Variants in SPECC1 observed in about 807,000 individuals in gnomAD.
SPECC1 encodes sperm antigen with calponin homology and coiled-coil domains 1.
Under a neutral mutation model 104.1 loss-of-function variants are expected in SPECC1, and 62 were observed. The ratio of observed to expected loss-of-function variants is 0.60; its 90% CI spans 0.49 to 0.74. SPECC1 has a LOEUF of 0.74. Ranked by LOEUF, SPECC1 falls within the 30% of genes least tolerant of loss-of-function variation. The pLI is 0.00. For synonymous variants in SPECC1, 513 were observed against 501.6 expected (o/e 1.02, Z -0.30); for missense variants, 1,306 against 1,310.5 (o/e 1.00, Z 0.05).
intron 11 of SPECC1, 69 bp downstream of exon 11, chr17:20,257,676 T>C: frequency 1.3e-6 from 2 of 1,572,468 alleles, no homozygotes; most frequent in Non-Finnish European, 1.7e-6. Flanking sequence ...TTCCTTCCGT[T>C]TTGTCCCCGT....
intron 1 of SPECC1, among the ~76,000 whole-genome samples, chr17:20,064,168 G>A (rs1025086195): frequency 6.6e-6 from 1 of 152,198 alleles, no homozygotes; most frequent in Non-Finnish European, 1.5e-5. Context: ...TCAGCTTCTT[G>A]TGAGCATGCA....
At chr17:20,111,984 C>T (rs1467051463) in intron 3 of SPECC1, 5 of 789,624 alleles carry the variant, frequency 6.3e-6, no homozygotes, top group Non-Finnish European at 9.3e-6. Context: ...GATGATATTG[C>T]TTTGATCAGG....
intron 1 of SPECC1, among the ~76,000 whole-genome samples, chr17:20,074,279 A>G (rs1348958829): frequency 6.6e-6 from 1 of 152,160 alleles, no homozygotes; most frequent in African/African-American, 2.4e-5. Flanking sequence ...GGCAATACAT[A>G]CATTGTGTTA....
At chr17:20,299,571 A>AG (rs1213675384) in intron 13 of SPECC1, among the ~76,000 whole-genome samples, 2 of 118,488 alleles carry the variant, frequency 1.7e-5, no homozygotes, top group Admixed American at 8.5e-5. Flanking sequence ...AAAAAAAAAA[A>AG]AAAAAAAAGA....
At chr17:20,123,019 T>C (rs2049113157) in intron 3 of SPECC1, among the ~76,000 whole-genome samples, 1 of 152,208 alleles carries the variant, frequency 6.6e-6, no homozygotes, top group Non-Finnish European at 1.5e-5. Context: ...TGCTGGATTC[T>C]CCTGATGGAT....
At chr17:20,120,574 T>A (rs2048978005) in intron 3 of SPECC1, among the ~76,000 whole-genome samples, 3 of 152,150 alleles carry the variant, frequency 2.0e-5, no homozygotes, top group Admixed American at 2.0e-4. Context: ...TCACAGGAAA[T>A]CAACTATATA....
In SPECC1 at chr17:20,316,902, C is replaced by A. The variant is rs1158514201; in HGVS notation, c.*2837C>A. ...CCCTCCCCGCTGGGGCCATACCAGC[C>A]CCTCTCCACTGGGAGCCCAAGTTGC... On this transcript the variant is annotated 3_prime_UTR_variant, in exon 15 of 15. Transcript: ENST00000395527. 4 of 214,812 alleles carry A rather than the reference C, an allele frequency of 1.9e-5. No individual in the cohort carries two copies. In the East Asian group the frequency reaches 2.7e-4, roughly 15 times the overall value. 13.3% of individuals were successfully genotyped at this position (214,812 alleles called of 1,614,324 possible).
intron 3 of SPECC1, among the ~76,000 whole-genome samples, chr17:20,182,369 G>A (rs2034969094): frequency 6.6e-6 from 1 of 152,020 alleles, no homozygotes; most frequent in Non-Finnish European, 1.5e-5. Flanking sequence ...GCCTTCATTG[G>A]CCTCCCAAAG....
intron 3 of SPECC1, among the ~76,000 whole-genome samples, chr17:20,176,978 C>T (rs2034514974): frequency 6.6e-6 from 1 of 152,124 alleles, no homozygotes; most frequent in African/African-American, 2.4e-5. Flanking sequence ...TAGCATAGTG[C>T]AGGTGGGACT....
At chr17:20,239,742 G>T (rs1340236124) in intron 7 of SPECC1, among the ~76,000 whole-genome samples, 1 of 152,024 alleles carries the variant, frequency 6.6e-6, no homozygotes, top group African/African-American at 2.4e-5. Context: ...ACTCACCTGA[G>T]TGCTGTGACA....
At chr17:20,019,211 CATTT>C (rs967752200) in intron 1 of SPECC1, among the ~76,000 whole-genome samples, 335 of 20,916 alleles carry the variant, frequency 0.016, 4 homozygotes, top group Admixed American at 0.05. Context: ...CCCTATCATT[CATTT>C]ATTTATTTAT....
chr17:20,177,770 C>T (rs1024744644), intron 3 of SPECC1, among the ~76,000 whole-genome samples: 12 of 149,034 alleles, frequency 8.1e-5, no homozygotes, highest in African/African-American at 2.5e-4. Context: ...AGTGCAGTGG[C>T]GCGATCTCGG....
intron 3 of SPECC1, among the ~76,000 whole-genome samples, chr17:20,189,389 C>G (rs1329078559): frequency 6.6e-6 from 1 of 152,326 alleles, no homozygotes; most frequent in Non-Finnish European, 1.5e-5. Context: ...CCAGCCACTT[C>G]AGTTTCAATG....
chr17:20,239,161 G>A lies in SPECC1; in HGVS notation c.2351+6756G>A, dbSNP rs1177784106. The A allele has an allele frequency of 3.9e-6, 4 of 1,026,370 alleles. No homozygotes were observed. The African/African-American group carries it at 5.1e-5, about 13-fold the overall frequency. The allele number at this position is 1,026,370 out of a possible 1,614,324, so 63.6% of individuals were successfully genotyped here. A position where few individuals can be genotyped will look rare whatever the true frequency, so the allele number is the denominator to read the frequency against. On this transcript the variant is annotated intron_variant, in intron 7 of 14. Transcript: ENST00000395527. The stretch of plus-strand genomic sequence containing the variant: ...CTAGGGTCTCAGAAAATATAGCATG[G>A]ACTTAAAGTCTAGATGTGTTTTGTT...
intron 3 of SPECC1, among the ~76,000 whole-genome samples, chr17:20,122,429 G>A (rs921420862): frequency 5.9e-5 from 9 of 152,154 alleles, no homozygotes; most frequent in Non-Finnish European, 1.3e-4. Flanking sequence ...CAGCAGCTGC[G>A]TCTGGATATA....
At position 20,203,613 on chromosome 17, in the gene SPECC1, T is replaced by G. The variant is rs947538949; in HGVS notation, c.284-720T>G. 4.6e-5 allele frequency among the ~76,000 whole-genome samples: 7 copies of G among 152,264 alleles called. 1 individual carries two copies. Among genetic ancestry groups the G allele is most frequent in the South Asian group, 4.1e-4 (2 of 4,834 alleles). On this transcript the variant is annotated intron_variant, in intron 3 of 14. Transcript: ENST00000395527. Reference sequence around the variant, plus strand: ...TTGTATCAGATCCATCTCTCAGTATTATCTGTATCTTCTGATTTCTTAATC... The same window carrying G: ...TTGTATCAGATCCATCTCTCAGTATGATCTGTATCTTCTGATTTCTTAATC...
chr17:20,249,951 A>G (rs991075196), intron 9 of SPECC1, among the ~76,000 whole-genome samples: 33 of 152,224 alleles, frequency 2.2e-4, no homozygotes, highest in African/African-American at 8.0e-4. Flanking sequence ...TCAAGAAACA[A>G]TAAGAACCCC....
chr17:20,297,654 C>T (rs886983212), intron 13 of SPECC1, among the ~76,000 whole-genome samples: 1 of 152,208 alleles, frequency 6.6e-6, no homozygotes, highest in African/African-American at 2.4e-5. Flanking sequence ...GGCCATTGAT[C>T]ACTTTGTAAA....
At chr17:20,174,815 C>T (rs188887146) in intron 3 of SPECC1, among the ~76,000 whole-genome samples, 2 of 152,210 alleles carry the variant, frequency 1.3e-5, no homozygotes, top group Admixed American at 6.5e-5. Context: ...AGCGCCTAGA[C>T]CTGACTCATT....
Sources: allele counts gnomAD v4.1 joint callset (sites outside exome capture counted in the v4.1 genomes callset), GRCh38; gene constraint gnomAD v4.1.1; transcripts MANE v1.5; gene names NCBI Gene and HGNC (gene_info 2026-07-23, HGNC 2026-07-21).